Variants in GREB1 observed in about 807,000 individuals in gnomAD.
The protein encoded by GREB1 is protein GREB1.
A neutral mutation model predicts 200.7 loss-of-function variants in GREB1; 106 were observed. That is an observed-to-expected ratio of 0.53 (90% CI 0.45 to 0.62). The LOEUF (loss-of-function observed/expected upper bound fraction) is 0.62. GREB1 is among the 20% of genes least tolerant of loss of function. The probability of loss-of-function intolerance (pLI) is 0.00; values close to 1 mark genes in which losing one functional copy is unlikely to be tolerated. For synonymous variants in GREB1, 1,132 were observed against 1,092.4 expected (o/e 1.04, Z -0.72); for missense variants, 2,243 against 2,556.8 (o/e 0.88, Z 2.65).
At chr2:11,619,585 A>G (rs533332870) in intron 22 of GREB1, among the ~76,000 whole-genome samples, 4 of 152,312 alleles carry the variant, frequency 2.6e-5, no homozygotes, top group Admixed American at 2.6e-4. Flanking sequence ...CCCTCACACT[A>G]TTGGATATTA....
At chr2:11,622,237 C>T (rs1358000213) in intron 23 of GREB1, among the ~76,000 whole-genome samples, 2 of 152,150 alleles carry the variant, frequency 1.3e-5, no homozygotes, top group Non-Finnish European at 2.9e-5. Flanking sequence ...TGTGCCACCA[C>T]GCCTGGCTAA....
intron 1 of GREB1, among the ~76,000 whole-genome samples, chr2:11,505,588 A>C (rs912330518): frequency 1.3e-5 from 2 of 152,170 alleles, no homozygotes; most frequent in Non-Finnish European, 2.9e-5. Context: ...AACGCCTGTA[A>C]CCCCATGCTT....
chr2:11,516,352 G>A (rs4624356), intron 1 of GREB1, among the ~76,000 whole-genome samples: 2 of 148,344 alleles, frequency 1.3e-5, no homozygotes, highest in South Asian at 2.2e-4. Context: ...GTGTGTGCAC[G>A]CAATCTGTTC....
rs1572860924 is a variant in GREB1, at chr2:11,595,882, T to C, written c.1826-229T>C. Among the ~76,000 whole-genome samples, 2 of 152,290 alleles carry C rather than the reference T, an allele frequency of 1.3e-5. 1 individual carries two copies. ...ACCTTCCCCTTCATCCTTTACCATGTTGTTCTTCCTTCTGCCCTAGCACCT... is the reference window on the plus strand; with the variant it reads ...ACCTTCCCCTTCATCCTTTACCATGCTGTTCTTCCTTCTGCCCTAGCACCT... On this transcript the variant is annotated intron_variant, in intron 12 of 32. Coordinates refer to ENST00000381486, the MANE Select transcript of GREB1 (RefSeq NM_014668.4).
At chr2:11,484,413 C>G (rs1168796577) in intron 1 of GREB1, among the ~76,000 whole-genome samples, 1 of 151,892 alleles carries the variant, frequency 6.6e-6, no homozygotes, top group East Asian at 1.9e-4. Flanking sequence ...GTTCATGAGG[C>G]GTTCTGCTGT....
chr2:11,562,725 G>A, intron 3 of GREB1, 143 bp downstream of exon 3: 1 of 962,792 alleles, frequency 1.0e-6, no homozygotes. Flanking sequence ...TGTGAGCCAT[G>A]CCCCTGGGCC....
chr2:11,624,341 C>CTT (rs70955810), intron 23 of GREB1, among the ~76,000 whole-genome samples: 35 of 111,100 alleles, frequency 3.2e-4, no homozygotes, highest in African/African-American at 5.7e-4. Context: ...TACACAAATT[C>CTT]TTTTTTTTTT....
rs1030547143 is a variant in GREB1, at chr2:11,627,048, A to G, written c.4393A>G (p.Thr1465Ala). ...ACTGTCCAAGTACGCAGCGTACAAC[A>G]CTTACCACCACTGTGAGCAGTGCCA... Reference protein sequence around the residue: ...MRLSKYAAYNTYHHCEQCHQY... With the variant: ...MRLSKYAAYNAYHHCEQCHQY... The change falls in exon 25 of 33, where the codon ACT (threonine) becomes GCT (alanine). Residue 1465 changes from threonine (T) to alanine (A), a missense_variant. By Grantham distance (58) the Thr-to-Ala change is moderately conservative. Transcript: ENST00000381486. 3.1e-6 allele frequency: 5 copies of G among 1,613,794 alleles called. No individual in the cohort carries two copies. Among genetic ancestry groups the G allele is most frequent in the Non-Finnish European group, 4.2e-6 (5 of 1,179,898 alleles).
chr2:11,641,493 G>GTTTTGTTTT lies in GREB1; in HGVS notation c.*1041_*1049dup, dbSNP rs1290416027. On this transcript the variant is annotated 3_prime_UTR_variant, in exon 33 of 33. Coordinates refer to ENST00000381486, the MANE Select transcript of GREB1 (RefSeq NM_014668.4). The stretch of plus-strand genomic sequence containing the variant: ...GTTTTGTTTTGTTTTGTTTTGTTTT[G>GTTTTGTTTT]TTTTGTTTTTGAGATGGACTCTAGC... 6.6e-6 allele frequency: 1 copy of GTTTTGTTTT among 152,434 alleles called. No individual in the cohort carries two copies. Among genetic ancestry groups the GTTTTGTTTT allele is most frequent in the East Asian group, 1.9e-4 (1 of 5,188 alleles). The allele number at this position is 152,434 out of a possible 1,614,324, so 9.4% of individuals were successfully genotyped here.
chr2:11,487,110 T>C (rs1339994553), intron 1 of GREB1, among the ~76,000 whole-genome samples: 1 of 152,198 alleles, frequency 6.6e-6, no homozygotes, highest in East Asian at 1.9e-4. Context: ...AATTTCATGG[T>C]CTATTGTGTT....
At chr2:11,562,956 A>G (rs1677228596) in intron 3 of GREB1, 1 of 157,010 alleles carries the variant, frequency 6.4e-6, no homozygotes, top group African/African-American at 2.7e-5. Context: ...ACAAGTGATT[A>G]GGAGGAATAA....
intron 1 of GREB1, among the ~76,000 whole-genome samples, chr2:11,518,512 G>A (rs1673587093): frequency 1.3e-5 from 2 of 150,914 alleles, no homozygotes; most frequent in East Asian, 3.9e-4. Flanking sequence ...TGCTGCTGCT[G>A]CAGTGGGCAG....
intron 26 of GREB1, among the ~76,000 whole-genome samples, chr2:11,630,855 T>C (rs922765962): frequency 1.3e-5 from 2 of 152,168 alleles, no homozygotes; most frequent in Admixed American, 6.5e-5. Context: ...TCAGAGTCAG[T>C]TGGCTGCTCT....
At chr2:11,588,627 G>T in intron 9 of GREB1, 119 bp from the exon 10 acceptor site, 1 of 927,166 alleles carries the variant, frequency 1.1e-6, no homozygotes, top group Non-Finnish European at 1.8e-6. Context: ...CAGGGCACTC[G>T]AGGGACCTGG....
intron 1 of GREB1, among the ~76,000 whole-genome samples, chr2:11,508,913 C>T (rs377507376): frequency 5.6e-5 from 8 of 142,528 alleles, no homozygotes; most frequent in Non-Finnish European, 9.0e-5. Flanking sequence ...CTCGCTCTGT[C>T]GCCCAGGCTG....
intron 3 of GREB1, among the ~76,000 whole-genome samples, chr2:11,566,163 T>C (rs1320951454): frequency 6.6e-6 from 1 of 152,026 alleles, no homozygotes; most frequent in Non-Finnish European, 1.5e-5. Context: ...GGATTGCAGG[T>C]GTGTGCCACT....
At chr2:11,532,025 A>G (rs1674091711), upstream of GREB1, among the ~76,000 whole-genome samples, 1 of 152,068 alleles carries the variant, frequency 6.6e-6, no homozygotes, top group Admixed American at 6.6e-5. Context: ...GCTTTCTACT[A>G]TTGTTTCGTA....
intron 28 of GREB1, 79 bp from the exon 29 acceptor site, chr2:11,634,052 G>A: frequency 1.5e-6 from 2 of 1,329,628 alleles, no homozygotes; most frequent in Non-Finnish European, 2.2e-6. Flanking sequence ...CTGAGAGCCG[G>A]TGCCACACTG....
rs1673963848 is a variant in GREB1 at position 11,528,598 on chromosome 2, C to T, written c.-158-27859C>T. On this transcript the variant is annotated intron_variant, in intron 1 of 2. Transcript: ENST00000628795. ...TTCTCTGCAGTCTTGAACTCCCAGG[C>T]TTAAGCAACCCTCCTGCCTCAGCCT... Among the ~76,000 whole-genome samples the T allele has an allele frequency of 4.6e-5, 7 of 152,096 alleles. No individual in the cohort carries two copies. In the South Asian group the frequency reaches 1.5e-3, roughly 32 times the overall value.
Sources: gnomAD v4.1 joint callset for allele counts (sites outside exome capture counted in the v4.1 genomes callset) on GRCh38, gnomAD v4.1.1 for gene constraint, MANE v1.5 for transcripts, NCBI Gene and HGNC (gene_info 2026-07-23, HGNC 2026-07-21) for gene names.